The following DEPDC1B variants were observed in gnomAD, a reference collection of about 807,000 sequenced individuals.
DEPDC1B encodes the protein DEP domain-containing protein 1B.
In DEPDC1B, 51 loss-of-function variants were observed where a neutral mutation model predicts 66.5. The ratio of observed to expected loss-of-function variants is 0.77; its 90% CI spans 0.61 to 0.97. The LOEUF (loss-of-function observed/expected upper bound fraction) is 0.97, where lower values mean the gene tolerates loss of function less well. DEPDC1B is among the 50% of genes least tolerant of loss of function. The pLI, the probability that DEPDC1B is intolerant of heterozygous loss-of-function variation, is 0.00. For synonymous variants in DEPDC1B, 226 were observed against 223.6 expected (o/e 1.01, Z -0.10); for missense variants, 552 against 637.1 (o/e 0.87, Z 1.44).
At chr5:60,617,552 T>G (rs1032584505) in intron 7 of DEPDC1B, among the ~76,000 whole-genome samples, 1 of 152,140 alleles carries the variant, frequency 6.6e-6, no homozygotes. Flanking sequence ...GGCCATTACA[T>G]AATGATAAAG....
intron 2 of DEPDC1B, among the ~76,000 whole-genome samples, chr5:60,684,596 A>G (rs373442826): frequency 2.7e-4 from 41 of 152,316 alleles, no homozygotes; most frequent in African/African-American, 9.9e-4. Flanking sequence ...TCAACTCAAA[A>G]TGGATTAAAC....
At chr5:60,642,171 T>C (rs565250434) in intron 6 of DEPDC1B, among the ~76,000 whole-genome samples, 47 of 152,328 alleles carry the variant, frequency 3.1e-4, no homozygotes, top group Non-Finnish European at 5.0e-4. Flanking sequence ...TACTACCTTG[T>C]GGTATCTGTG....
chr5:60,617,243 A>G (rs1187758431), intron 7 of DEPDC1B, among the ~76,000 whole-genome samples: 1 of 152,240 alleles, frequency 6.6e-6, no homozygotes, highest in Non-Finnish European at 1.5e-5. Flanking sequence ...CAGGCAAATT[A>G]ACCAGCTAAC....
At chr5:60,683,895 T>G (rs1247501691) in intron 2 of DEPDC1B, among the ~76,000 whole-genome samples, 1 of 151,986 alleles carries the variant, frequency 6.6e-6, no homozygotes, top group Non-Finnish European at 1.5e-5. Context: ...AACTGATAAA[T>G]TCAATAAAGT....
intron 5 of DEPDC1B, 46 bp from the exon 6 acceptor site, chr5:60,642,905 C>T: frequency 7.2e-7 from 1 of 1,398,098 alleles, no homozygotes; most frequent in South Asian, 1.2e-5. Flanking sequence ...TAACTCAAGA[C>T]ATCATATACA....
chr5:60,605,983 G>C, intron 7 of DEPDC1B, 127 bp from the exon 8 acceptor site: 1 of 775,150 alleles, frequency 1.3e-6, no homozygotes, highest in Admixed American at 3.3e-5. Context: ...CAACTATACT[G>C]GGTCAATTGA....
chr5:60,669,942 TACA>T (rs1485825675), intron 2 of DEPDC1B, among the ~76,000 whole-genome samples: 2 of 152,000 alleles, frequency 1.3e-5, no homozygotes, highest in Non-Finnish European at 2.9e-5. Flanking sequence ...CAAGAAAAAC[TACA>T]ACCACTTAAA....
At chr5:60,670,428 CA>C (rs373913169) in intron 2 of DEPDC1B, among the ~76,000 whole-genome samples, 3 of 151,608 alleles carry the variant, frequency 2.0e-5, no homozygotes, top group Non-Finnish European at 2.9e-5. Context: ...AGGAAAGCTA[CA>C]AAAAAAATGC....
At chr5:60,695,613 T>C (rs1584110408) in intron 1 of DEPDC1B, among the ~76,000 whole-genome samples, 1 of 152,182 alleles carries the variant, frequency 6.6e-6, no homozygotes, top group Admixed American at 6.5e-5. Flanking sequence ...CATGCTTTTC[T>C]AAATGAACAG....
chr5:60,654,979 T>TTGA (rs1753544217), intron 2 of DEPDC1B, among the ~76,000 whole-genome samples: 1 of 149,274 alleles, frequency 6.7e-6, no homozygotes, highest in Non-Finnish European at 1.5e-5. Flanking sequence ...TGAAACCCAA[T>TTGA]TGACCATGGT....
chr5:60,613,828 G>GTGTATA (rs3989094), intron 7 of DEPDC1B, among the ~76,000 whole-genome samples: 10,236 of 144,366 alleles, frequency 0.071, 427 homozygotes, highest in Admixed American at 0.11. Flanking sequence ...GTGTGTGTGT[G>GTGTATA]TATACATAAA....
chr5:60,630,048 G>A (rs548699096), intron 7 of DEPDC1B, among the ~76,000 whole-genome samples: 1 of 152,094 alleles, frequency 6.6e-6, no homozygotes, highest in African/African-American at 2.4e-5. Context: ...TTCACCCTAT[G>A]TTTTCTTTTA....
intron 1 of DEPDC1B, among the ~76,000 whole-genome samples, chr5:60,696,371 T>C (rs1387622525): frequency 6.6e-6 from 1 of 152,232 alleles, no homozygotes; most frequent in Non-Finnish European, 1.5e-5. Flanking sequence ...CATTTTGATT[T>C]TGAATGGCAT....
intron 2 of DEPDC1B, among the ~76,000 whole-genome samples, chr5:60,659,503 G>C (rs1753658108): frequency 6.6e-6 from 1 of 152,128 alleles, no homozygotes; most frequent in South Asian, 2.1e-4. Context: ...TGGGAGCATT[G>C]GTCTGCCTGG....
chr5:60,661,975 G>A (rs1276538784), intron 2 of DEPDC1B, among the ~76,000 whole-genome samples: 1 of 152,168 alleles, frequency 6.6e-6, no homozygotes, highest in Non-Finnish European at 1.5e-5. Flanking sequence ...AAATCCTATT[G>A]CCTTTCTGGA....
intron 2 of DEPDC1B, among the ~76,000 whole-genome samples, chr5:60,650,446 C>A (rs1261065146): frequency 6.6e-6 from 1 of 152,138 alleles, no homozygotes; most frequent in Non-Finnish European, 1.5e-5. Flanking sequence ...AAGTGCAAAG[C>A]ATCCCTGGCC....
intron 1 of DEPDC1B, among the ~76,000 whole-genome samples, chr5:60,698,860 T>A (rs914659471): frequency 7.2e-5 from 11 of 152,054 alleles, no homozygotes; most frequent in African/African-American, 2.7e-4. Context: ...CAGACGGGGT[T>A]TTGCTGTGTT....
At chr5:60,603,290 A>T in intron 9 of DEPDC1B, 101 bp downstream of exon 9, 1 of 1,099,688 alleles carries the variant, frequency 9.1e-7, no homozygotes, top group Non-Finnish European at 1.2e-6. Context: ...TATAAACATT[A>T]ATTCACTTAA....
intron 1 of DEPDC1B, among the ~76,000 whole-genome samples, chr5:60,695,872 G>T (rs1159444472): frequency 6.6e-6 from 1 of 152,112 alleles, no homozygotes; most frequent in Admixed American, 6.5e-5. Context: ...GATCTCGGCT[G>T]ACTGCAACCT....
Sources: allele counts gnomAD v4.1 joint callset (sites outside exome capture counted in the v4.1 genomes callset), GRCh38; gene constraint gnomAD v4.1.1; transcripts MANE v1.5; gene names NCBI Gene and HGNC (gene_info 2026-07-23, HGNC 2026-07-21).